The following MIA2 variants were observed in gnomAD, a reference collection of about 807,000 sequenced individuals.
The protein encoded by MIA2 is melanoma inhibitory activity protein 2.
A neutral mutation model predicts 167.8 loss-of-function variants in MIA2; 127 were observed. The ratio of observed to expected loss-of-function variants is 0.76; its 90% CI spans 0.66 to 0.88. The LOEUF (loss-of-function observed/expected upper bound fraction) is 0.88. Among genes scored for constraint, MIA2 ranks in the 40% least tolerant of loss-of-function variants. MIA2 has a pLI of 0.00. For missense variants in MIA2, 1,690 were observed against 1,624.7 expected, an observed-to-expected ratio of 1.04 and a Z score of -0.69; for synonymous variants, 552 against 541.9, an observed-to-expected ratio of 1.02 and a Z score of -0.26.
intron 25 of MIA2, among the ~76,000 whole-genome samples, chr14:39,330,939 G>T (rs1191377807): frequency 6.6e-6 from 1 of 152,134 alleles, no homozygotes; most frequent in Non-Finnish European, 1.5e-5. Flanking sequence ...ATATTTTGTT[G>T]ATTTGGGGTG....
At chr14:39,340,411 GA>G (rs1365970568) in intron 25 of MIA2, among the ~76,000 whole-genome samples, 3 of 152,146 alleles carry the variant, frequency 2.0e-5, no homozygotes, top group African/African-American at 7.2e-5. Flanking sequence ...AAATTGATGA[GA>G]ACAGTTTTGA....
intron 7 of MIA2, among the ~76,000 whole-genome samples, chr14:39,277,785 T>A (rs1481402961): frequency 2.0e-5 from 2 of 99,910 alleles, no homozygotes; most frequent in South Asian, 6.9e-4. Context: ...TATATATTTA[T>A]ATTTAAAGAG....
intron 6 of MIA2, chr14:39,266,599 C>T: frequency 1.0e-6 from 1 of 985,496 alleles, no homozygotes; most frequent in Non-Finnish European, 1.2e-6. Flanking sequence ...ACAGCTGAGC[C>T]GGGACGCCTT....
At chr14:39,334,125 A>G (rs1284819678) in intron 25 of MIA2, among the ~76,000 whole-genome samples, 2 of 151,634 alleles carry the variant, frequency 1.3e-5, no homozygotes, top group Non-Finnish European at 2.9e-5. Context: ...ATTCCTACCT[A>G]AAGTTAAAAA....
intron 13 of MIA2, among the ~76,000 whole-genome samples, chr14:39,297,839 T>C (rs1453475701): frequency 6.6e-6 from 1 of 152,166 alleles, no homozygotes; most frequent in Non-Finnish European, 1.5e-5. Context: ...CCAGTCCTGC[T>C]TATACCCCTG....
Position 39,293,974 on chromosome 14 carries a change from T to C in MIA2, c.2320-26T>C, listed in dbSNP as rs573679962. On this transcript the variant is annotated intron_variant, in intron 11 of 28. Coordinates refer to ENST00000640607, the MANE Select transcript of MIA2 (RefSeq NM_001329214.4). ...TTTGGAAACTAGAGTTTAGTAAATA[T>C]TAATTGCCTGATACTGTGTTTCTAG... 1.3e-5 allele frequency: 21 copies of C among 1,577,470 alleles called. No individual in the cohort carries two copies. The South Asian group carries it at 1.6e-4, about 12-fold the overall frequency.
At chr14:39,307,917 G>C (rs1319049298) in intron 17 of MIA2, among the ~76,000 whole-genome samples, 2 of 152,018 alleles carry the variant, frequency 1.3e-5, no homozygotes, top group African/African-American at 4.8e-5. Context: ...GAGTGGAATA[G>C]TAATAGTAAT....
intron 13 of MIA2, among the ~76,000 whole-genome samples, chr14:39,296,659 A>G (rs2061473554): frequency 7.0e-6 from 1 of 141,968 alleles, no homozygotes; most frequent in South Asian, 2.2e-4. Context: ...TTATACTCTA[A>G]GTTTTAGGGT....
At chr14:39,250,679 G>T (rs985828047) in intron 4 of MIA2, among the ~76,000 whole-genome samples, 1 of 147,514 alleles carries the variant, frequency 6.8e-6, no homozygotes, top group African/African-American at 2.5e-5. Flanking sequence ...CTGGGCAATA[G>T]AGTGAGACTC....
intron 23 of MIA2, among the ~76,000 whole-genome samples, chr14:39,380,476 C>G (rs905489113): frequency 6.6e-6 from 1 of 151,960 alleles, no homozygotes; most frequent in Admixed American, 6.6e-5. Flanking sequence ...GGGCAGATCA[C>G]GAGGTCAAGA....
intron 23 of MIA2, among the ~76,000 whole-genome samples, chr14:39,368,492 ACTCCT>A (rs748698986): frequency 6.6e-6 from 1 of 151,778 alleles, no homozygotes; most frequent in South Asian, 2.1e-4. Flanking sequence ...AAAGAGCTGT[ACTCCT>A]CATAGCAGGA....
chr14:39,251,949 G>A (rs1452287619), intron 4 of MIA2, among the ~76,000 whole-genome samples: 1 of 151,992 alleles, frequency 6.6e-6, no homozygotes, highest in Non-Finnish European at 1.5e-5. Flanking sequence ...AATCTGAAGG[G>A]AATCTATGTG....
intron 6 of MIA2, among the ~76,000 whole-genome samples, chr14:39,271,867 G>A (rs1224174115): frequency 6.6e-6 from 1 of 152,086 alleles, no homozygotes; most frequent in Non-Finnish European, 1.5e-5. Flanking sequence ...TTTATTAAGT[G>A]AAAGGAAAGC....
intron 23 of MIA2, among the ~76,000 whole-genome samples, chr14:39,384,751 A>G (rs1469276173): frequency 6.6e-6 from 1 of 152,166 alleles, no homozygotes; most frequent in Non-Finnish European, 1.5e-5. Flanking sequence ...CCTAAGTGGA[A>G]CACCAATTCT....
chr14:39,384,778 G>A (rs2139377023), intron 23 of MIA2, among the ~76,000 whole-genome samples: 1 of 152,120 alleles, frequency 6.6e-6, no homozygotes, highest in East Asian at 1.9e-4. Context: ...ATACATACAT[G>A]TGCACGCGCA....
intron 9 of MIA2, among the ~76,000 whole-genome samples, chr14:39,288,694 C>T (rs1335723923): frequency 2.7e-5 from 4 of 150,486 alleles, no homozygotes; most frequent in African/African-American, 7.4e-5. Context: ...AACTCCTGAC[C>T]CTGTGATCTG....
chr14:39,290,329 T>TA (rs202035701), intron 9 of MIA2, among the ~76,000 whole-genome samples: 3,285 of 147,372 alleles, frequency 0.022, 119 homozygotes, highest in African/African-American at 0.075. Flanking sequence ...CAGATATATA[T>TA]TTTTTTTTTT....
chr14:39,295,298 G>A (rs966054664), intron 13 of MIA2, among the ~76,000 whole-genome samples: 14 of 152,154 alleles, frequency 9.2e-5, no homozygotes, highest in African/African-American at 2.9e-4. Flanking sequence ...AAGCCATGCC[G>A]AAGGGGTACA....
intron 20 of MIA2, chr14:39,315,002 G>A (rs1032132570): frequency 4.7e-6 from 2 of 421,600 alleles, no homozygotes; most frequent in African/African-American, 2.0e-5. Flanking sequence ...TGCTGTATTG[G>A]CTGGGTGCAG....
Sources: allele counts gnomAD v4.1 joint callset (sites outside exome capture counted in the v4.1 genomes callset), GRCh38; gene constraint gnomAD v4.1.1; transcripts MANE v1.5; gene names NCBI Gene and HGNC (gene_info 2026-07-23, HGNC 2026-07-21).